The following DGKB variants were observed in gnomAD, a reference collection of about 807,000 sequenced individuals.
DGKB encodes the protein diacylglycerol kinase beta.
In DGKB, 67 loss-of-function variants were observed where a neutral mutation model predicts 114.3. The observed-to-expected ratio is 0.59, with a 90% CI of 0.48 to 0.72. The LOEUF (loss-of-function observed/expected upper bound fraction) is 0.72. DGKB is among the 30% of genes least tolerant of loss of function. DGKB has a pLI of 0.00. For synonymous variants in DGKB, 398 were observed against 323.1 expected (o/e 1.23, Z -2.49); for missense variants, 907 against 975.2 (o/e 0.93, Z 0.93).
At chr7:14,647,715 C>A (rs975256295) in intron 13 of DGKB, among the ~76,000 whole-genome samples, 1 of 152,214 alleles carries the variant, frequency 6.6e-6, no homozygotes, top group African/African-American at 2.4e-5. Flanking sequence ...GTGATTTCTG[C>A]ATTTCCATCT....
At chr7:14,622,198 T>G (rs910995286) in intron 14 of DGKB, among the ~76,000 whole-genome samples, 2 of 152,140 alleles carry the variant, frequency 1.3e-5, no homozygotes, top group Non-Finnish European at 2.9e-5. Context: ...TCTGACAGAA[T>G]TGATCTCTTC....
At chr7:14,477,564 T>A (rs1782369082) in intron 21 of DGKB, among the ~76,000 whole-genome samples, 1 of 152,192 alleles carries the variant, frequency 6.6e-6, no homozygotes, top group Admixed American at 6.6e-5. Flanking sequence ...AAGGCTTTCC[T>A]GTTTCCCTGA....
chr7:14,761,469 T>C (rs1430854628), intron 2 of DGKB, among the ~76,000 whole-genome samples: 2 of 152,208 alleles, frequency 1.3e-5, no homozygotes, highest in Admixed American at 6.5e-5. Flanking sequence ...TCCTATGGCC[T>C]ATCACCATAA....
chr7:14,343,196 C>CA (rs1811910724), intron 22 of DGKB, among the ~76,000 whole-genome samples: 1 of 150,462 alleles, frequency 6.6e-6, no homozygotes, highest in South Asian at 2.1e-4. Context: ...CACACACACA[C>CA]ACAACAAGAT....
At chr7:14,178,845 G>A (rs1782213854) in intron 23 of DGKB, among the ~76,000 whole-genome samples, 1 of 151,566 alleles carries the variant, frequency 6.6e-6, no homozygotes, top group South Asian at 2.1e-4. Context: ...TTAAAAAGGG[G>A]CTAATAGTTA....
At chr7:14,394,899 C>CT (rs1170665570) in intron 21 of DGKB, among the ~76,000 whole-genome samples, 9 of 152,094 alleles carry the variant, frequency 5.9e-5, no homozygotes, top group African/African-American at 2.2e-4. Flanking sequence ...ATATATATGA[C>CT]TAAGTCAATC....
At chr7:14,623,837 T>C (rs17168313) in intron 14 of DGKB, among the ~76,000 whole-genome samples, 4,142 of 152,246 alleles carry the variant, frequency 0.027, 175 homozygotes, top group African/African-American at 0.095. Context: ...TAGGAGTGAA[T>C]TATTAGATGA....
chr7:14,596,645 TC>T (rs1802630577), intron 17 of DGKB, among the ~76,000 whole-genome samples: 1 of 152,194 alleles, frequency 6.6e-6, no homozygotes, highest in African/African-American at 2.4e-5. Context: ...TCATGCTCAT[TC>T]CAATGCTACT....
At chr7:14,474,169 C>T (rs1781827059) in intron 21 of DGKB, among the ~76,000 whole-genome samples, 1 of 152,128 alleles carries the variant, frequency 6.6e-6, no homozygotes, top group African/African-American at 2.4e-5. Context: ...TGGGAAGGAC[C>T]TGGTGGGTGG....
At chr7:14,804,422 CA>C (rs1842555266) in intron 2 of DGKB, among the ~76,000 whole-genome samples, 1 of 151,986 alleles carries the variant, frequency 6.6e-6, no homozygotes, top group South Asian at 2.1e-4. Flanking sequence ...TATTTCTCCA[CA>C]AACATAAATA....
intron 20 of DGKB, among the ~76,000 whole-genome samples, chr7:14,481,691 A>G (rs1217013177): frequency 1.3e-5 from 2 of 151,980 alleles, no homozygotes; most frequent in African/African-American, 4.8e-5. Context: ...TGCATACTAT[A>G]TGGGTTTTTA....
chr7:14,408,904 A>G (rs1824386956), intron 21 of DGKB, among the ~76,000 whole-genome samples: 1 of 152,156 alleles, frequency 6.6e-6, no homozygotes, highest in Non-Finnish European at 1.5e-5. Flanking sequence ...AAAGTTAGAT[A>G]TGTCATGAGC....
rs186656266 is a variant in DGKB at position 14,601,770 on chromosome 7, G to A, written c.1433+5664C>T. On this transcript the variant is annotated intron_variant, in intron 17 of 25. Coordinates refer to ENST00000402815, the MANE Select transcript of DGKB (RefSeq NM_001350709.2). ...AAAGTTCTTTGCCACTTCATAACAAGGATTGCCTTTCCTCTGGTTGCAAAT... is the reference window on the plus strand; with the variant it reads ...AAAGTTCTTTGCCACTTCATAACAAAGATTGCCTTTCCTCTGGTTGCAAAT... Among the ~76,000 whole-genome samples the A allele has an allele frequency of 1.1e-3, 171 of 152,172 alleles. 3 individuals are homozygous for A. The highest frequency in any genetic ancestry group is 8.8e-3 in the Admixed American group (134 of 15,292).
Position 14,701,658 on chromosome 7 carries a change from G to C in DGKB, c.516+23C>G. 3 of 1,575,036 alleles carry C rather than the reference G, an allele frequency of 1.9e-6. No homozygotes were observed. In the African/African-American group the frequency reaches 4.0e-5, roughly 21 times the overall value. ...GAAGAAAATCTTTGAAGTTTTCACAGAAACTTTGAAGAAAAAAATTACCGA... is the reference window on the plus strand; with the variant it reads ...GAAGAAAATCTTTGAAGTTTTCACACAAACTTTGAAGAAAAAAATTACCGA... On this transcript the variant is annotated intron_variant, in intron 7 of 25. Transcript: ENST00000402815.
chr7:14,732,648 G>C (rs1481131911), intron 5 of DGKB, among the ~76,000 whole-genome samples: 1 of 152,124 alleles, frequency 6.6e-6, no homozygotes, highest in Non-Finnish European at 1.5e-5. Flanking sequence ...AAAGGAATCA[G>C]AGTTTAATTA....
chr7:14,722,745 G>T (rs565896643), intron 5 of DGKB, among the ~76,000 whole-genome samples: 2 of 152,190 alleles, frequency 1.3e-5, no homozygotes, highest in East Asian at 3.9e-4. Flanking sequence ...CCAGGAGGTG[G>T]AGGTTGCAGT....
intron 1 of DGKB, among the ~76,000 whole-genome samples, chr7:14,936,659 GT>G (rs1469151728): frequency 6.6e-6 from 1 of 152,114 alleles, no homozygotes; most frequent in Non-Finnish European, 1.5e-5. Context: ...GGGCAGGCCT[GT>G]TTGCGGGCTC....
At chr7:14,181,657 G>T (rs1227345344) in intron 23 of DGKB, among the ~76,000 whole-genome samples, 1 of 152,210 alleles carries the variant, frequency 6.6e-6, no homozygotes, top group Non-Finnish European at 1.5e-5. Context: ...GGAGATTCAG[G>T]TGGGAAACAG....
intron 20 of DGKB, among the ~76,000 whole-genome samples, chr7:14,510,243 G>A (rs1161187526): frequency 6.6e-6 from 1 of 152,174 alleles, no homozygotes; most frequent in Non-Finnish European, 1.5e-5. Context: ...TTGATGCTGT[G>A]TGATAGCATT....
Sources: gnomAD v4.1 joint callset for allele counts (sites outside exome capture counted in the v4.1 genomes callset) on GRCh38, gnomAD v4.1.1 for gene constraint, MANE v1.5 for transcripts, NCBI Gene and HGNC (gene_info 2026-07-23, HGNC 2026-07-21) for gene names.